The following COLEC12 variants were observed in gnomAD, a reference collection of about 807,000 sequenced individuals.
COLEC12 encodes collectin subfamily member 12, also known as collectin-12.
In COLEC12, 33 loss-of-function variants were observed where a neutral mutation model predicts 71.1. The ratio of observed to expected loss-of-function variants is 0.46; its 90% CI spans 0.35 to 0.62. The LOEUF (loss-of-function observed/expected upper bound fraction) is 0.62. Among genes scored for constraint, COLEC12 ranks in the 20% least tolerant of loss-of-function variants. The pLI is 0.00. For missense variants in COLEC12, 765 were observed against 916.1 expected, an observed-to-expected ratio of 0.84 and a Z score of 2.13; for synonymous variants, 350 against 353.0, an observed-to-expected ratio of 0.99 and a Z score of 0.10.
At chr18:462,612 C>T (rs1018748790) in intron 2 of COLEC12, among the ~76,000 whole-genome samples, 2 of 152,174 alleles carry the variant, frequency 1.3e-5, no homozygotes, top group African/African-American at 4.8e-5. Context: ...GGTAGTTGCA[C>T]ACCTCTGGAT....
At position 500,555 on chromosome 18, in the gene COLEC12, C is replaced by A. The variant is rs1247118360; in HGVS notation, c.-41G>T. On this transcript the variant is annotated 5_prime_UTR_variant, in exon 1 of 10. Transcript: ENST00000400256. This position sits in a 1 kb window ranked among gnomAD's most constrained non-coding sequence, Gnocchi z 5.3. ...GCACCGCCGGCCGGGGAGCTCCGCG[C>A]GAGCGCCGCGCAGCCGAGGAAGTCG... The A allele has an allele frequency of 1.6e-5, 20 of 1,219,294 alleles. No homozygotes were observed. The highest frequency in any genetic ancestry group is 3.3e-5 in the East Asian group (1 of 30,388). 75.5% of individuals were successfully genotyped at this position (1,219,294 alleles called of 1,614,324 possible). A position where few individuals can be genotyped will look rare whatever the true frequency, so the allele number is the denominator to read the frequency against.
intron 8 of COLEC12, 69 bp from the exon 9 acceptor site, chr18:321,876 C>A: frequency 6.8e-7 from 1 of 1,477,782 alleles, no homozygotes. Context: ...TCAAGAGCAG[C>A]AGAGAATATA....
intron 2 of COLEC12, among the ~76,000 whole-genome samples, chr18:407,063 G>A (rs56312113): frequency 0.24 from 36,167 of 152,236 alleles, 5,316 homozygotes; most frequent in South Asian, 0.46. Context: ...AAAGGCCTCC[G>A]CTGGCTGAGG....
intron 2 of COLEC12, among the ~76,000 whole-genome samples, chr18:473,642 C>T (rs766039116): frequency 5.7e-4 from 87 of 152,208 alleles, no homozygotes; most frequent in Non-Finnish European, 1.1e-3. Flanking sequence ...GGATTACAGG[C>T]GTAAGCCACA....
At chr18:458,272 A>C (rs1916910518) in intron 2 of COLEC12, among the ~76,000 whole-genome samples, 1 of 152,226 alleles carries the variant, frequency 6.6e-6, no homozygotes, top group Non-Finnish European at 1.5e-5. Flanking sequence ...GCATCTCACT[A>C]AGGACATATT....
intron 5 of COLEC12, among the ~76,000 whole-genome samples, chr18:344,223 G>T (rs924091522): frequency 2.6e-5 from 4 of 152,120 alleles, no homozygotes; most frequent in African/African-American, 9.7e-5. Context: ...CAGAGCTGGG[G>T]CATCCTGATT....
rs1410006124 is a variant in COLEC12 at position 480,878 on chromosome 18, G to A, written c.8-121C>T. 1.3e-5 allele frequency: 11 copies of A among 873,968 alleles called. No homozygotes were observed. Among genetic ancestry groups the A allele is most frequent in the Non-Finnish European group, 2.1e-5 (11 of 513,432 alleles). The allele number at this position is 873,968 out of a possible 1,614,324, so 54.1% of individuals were successfully genotyped here. On this transcript the variant is annotated intron_variant, in intron 1 of 9. Coordinates refer to ENST00000400256, the MANE Select transcript of COLEC12 (RefSeq NM_130386.3). This position sits in a 1 kb window ranked among gnomAD's most constrained non-coding sequence, Gnocchi z 4.1. Reference sequence around the variant, plus strand: ...CACAGCAGCTTTCCTTCTGCTCGTGGATCGCACCAGGCTTTCTGGAAGAGG... The same window carrying A: ...CACAGCAGCTTTCCTTCTGCTCGTGAATCGCACCAGGCTTTCTGGAAGAGG...
Position 378,674 on chromosome 18 carries a change from C to T in COLEC12, c.59-21152G>A, listed in dbSNP as rs548797095. Among the ~76,000 whole-genome samples the T allele has an allele frequency of 5.3e-5, 8 of 152,312 alleles. No homozygotes were observed. The South Asian group carries it at 1.0e-3, about 20-fold the overall frequency. ...CTTACCCATAGCCTATTGTGCTCTC[C>T]GTGAGGTCTCCATCAGTGCCAAAGG... is the stretch of plus-strand genomic sequence containing the variant. On this transcript the variant is annotated intron_variant, in intron 2 of 9. Coordinates refer to ENST00000400256, the MANE Select transcript of COLEC12 (RefSeq NM_130386.3).
At chr18:353,625 A>G (rs1269745145) in intron 3 of COLEC12, among the ~76,000 whole-genome samples, 1 of 152,260 alleles carries the variant, frequency 6.6e-6, no homozygotes, top group Non-Finnish European at 1.5e-5. Flanking sequence ...CTAGACATTG[A>G]GGATTCAAGA....
chr18:329,026 G>T (rs1913909735), intron 8 of COLEC12, among the ~76,000 whole-genome samples: 1 of 152,200 alleles, frequency 6.6e-6, no homozygotes, highest in African/African-American at 2.4e-5. Flanking sequence ...CTGTGTGGTG[G>T]CTGGGGTGCA....
chr18:467,543 A>C (rs1381055658), intron 2 of COLEC12, among the ~76,000 whole-genome samples: 1 of 152,252 alleles, frequency 6.6e-6, no homozygotes, highest in Non-Finnish European at 1.5e-5. Flanking sequence ...AAAATTTCAT[A>C]TGATAAATGT....
chr18:445,765 T>G (rs1040867703), intron 2 of COLEC12, among the ~76,000 whole-genome samples: 4 of 151,888 alleles, frequency 2.6e-5, no homozygotes, highest in Non-Finnish European at 4.4e-5. Context: ...CCTGAGTAGC[T>G]GGGATTACGG....
Position 418,729 on chromosome 18 carries a change from A to G in COLEC12, c.59-61207T>C, listed in dbSNP as rs145242133. ...AGTTTACAGATGCCATGGCAACATC[A>G]GGAAGTTACCAGATATGGTCTAAAA... is the stretch of plus-strand genomic sequence containing the variant. On this transcript the variant is annotated intron_variant, in intron 2 of 9. Transcript: ENST00000400256. 4.5e-3 allele frequency among the ~76,000 whole-genome samples: 683 copies of G among 152,360 alleles called. 1 individual carries two copies. The highest frequency in any genetic ancestry group is 0.016 in the African/African-American group (650 of 41,580).
rs574506099 is a variant in COLEC12, at chr18:463,761, C to T, written c.58+16946G>A. The stretch of plus-strand genomic sequence containing the variant: ...ACACGTCCATCACCAGCTTATTCAC[C>T]GGTGACAGCCACAGCCCTCTTCCCC... On this transcript the variant is annotated intron_variant, in intron 2 of 9. Transcript: ENST00000400256. Among the ~76,000 whole-genome samples, 10 of 152,310 alleles carry T rather than the reference C, an allele frequency of 6.6e-5. No homozygotes were observed. The South Asian group carries it at 1.9e-3, about 28-fold the overall frequency.
chr18:369,338 T>C (rs1285950548), intron 2 of COLEC12, among the ~76,000 whole-genome samples: 2 of 152,120 alleles, frequency 1.3e-5, no homozygotes, highest in South Asian at 2.1e-4. Flanking sequence ...ACCACCAAGC[T>C]TGGACATGAA....
chr18:375,249 C>G (rs189249083), intron 2 of COLEC12, among the ~76,000 whole-genome samples: 1 of 152,194 alleles, frequency 6.6e-6, no homozygotes, highest in South Asian at 2.1e-4. Context: ...CTTGCTGTTT[C>G]GACTCCAGCC....
chr18:441,280 T>C (rs1916527801), intron 2 of COLEC12, among the ~76,000 whole-genome samples: 1 of 151,900 alleles, frequency 6.6e-6, no homozygotes, highest in Non-Finnish European at 1.5e-5. Flanking sequence ...AATAAAAAAA[T>C]AAAGTGCTAT....
chr18:488,327 C>A (rs1391061265), intron 1 of COLEC12, among the ~76,000 whole-genome samples: 1 of 152,072 alleles, frequency 6.6e-6, no homozygotes, highest in Non-Finnish European at 1.5e-5. Flanking sequence ...AGGAGAATCA[C>A]TTGAACCCGG....
intron 2 of COLEC12, among the ~76,000 whole-genome samples, chr18:364,907 G>A (rs79683476): frequency 0.068 from 10,403 of 152,176 alleles, 482 homozygotes; most frequent in African/African-American, 0.13. Context: ...CAAAGAGGGT[G>A]AGTACCCAAG....
Sources: gnomAD v4.1 joint callset for allele counts (sites outside exome capture counted in the v4.1 genomes callset) on GRCh38, gnomAD v4.1.1 for gene constraint, Gnocchi (gnomAD v3.1) non-coding constraint, MANE v1.5 for transcripts, NCBI Gene and HGNC (gene_info 2026-07-23, HGNC 2026-07-21) for gene names.